The following MBNL2 variants were observed in gnomAD, a reference collection of about 807,000 sequenced individuals.
MBNL2 encodes the protein muscleblind-like protein 2.
MBNL2 carries 17 observed loss-of-function variants against 41.9 expected under a neutral mutation model. That is an observed-to-expected ratio of 0.41 (90% CI 0.28 to 0.61). The LOEUF is 0.61. Ranked by LOEUF, MBNL2 falls within the 20% of genes least tolerant of loss-of-function variation. The pLI is 0.35. For missense variants in MBNL2, 336 were observed against 505.6 expected, an observed-to-expected ratio of 0.66 and a Z score of 3.22; for synonymous variants, 195 against 182.9, an observed-to-expected ratio of 1.07 and a Z score of -0.53.
intron 2 of MBNL2, among the ~76,000 whole-genome samples, chr13:97,291,231 G>C (rs769428408): frequency 1.6e-4 from 24 of 151,872 alleles, no homozygotes; most frequent in Non-Finnish European, 2.6e-4. Context: ...TATGTTTTGA[G>C]GTAGAATTAT....
the MBNL2 span, among the ~76,000 whole-genome samples, chr13:97,158,651 G>A: frequency 6.6e-5 from 10 of 151,604 alleles, no homozygotes; most frequent in Non-Finnish European, 1.2e-4. Context: ...ATTTCGTTAT[G>A]TACCCAGTAG....
chr13:97,299,789 C>A (rs968629671), intron 2 of MBNL2, among the ~76,000 whole-genome samples: 1 of 152,042 alleles, frequency 6.6e-6, no homozygotes, highest in African/African-American at 2.4e-5. Flanking sequence ...ATGCCATTAT[C>A]TTTTTTACTT....
At chr13:97,339,859 T>A (rs1385183999) in intron 3 of MBNL2, among the ~76,000 whole-genome samples, 1 of 106,626 alleles carries the variant, frequency 9.4e-6, no homozygotes, top group African/African-American at 5.6e-5. Flanking sequence ...TACGGGCAAC[T>A]GATTTGTGTG....
intron 2 of MBNL2, among the ~76,000 whole-genome samples, chr13:97,312,339 T>C (rs974934517): frequency 6.6e-6 from 1 of 152,240 alleles, no homozygotes; most frequent in Non-Finnish European, 1.5e-5. Flanking sequence ...CTCTTCTACT[T>C]GCAGCATTTC....
chr13:97,296,068 A>G (rs2056960872), intron 2 of MBNL2, among the ~76,000 whole-genome samples: 1 of 152,210 alleles, frequency 6.6e-6, no homozygotes, highest in African/African-American at 2.4e-5. Flanking sequence ...TTTTCTTAGT[A>G]ATAATGACTC....
Position 97,389,474 on chromosome 13 carries a change from G to A in MBNL2, c.1049-1848G>A, listed in dbSNP as rs529777624. On this transcript the variant is annotated intron_variant, in intron 8 of 8. Coordinates refer to ENST00000679496, the MANE Select transcript of MBNL2 (RefSeq NM_001382683.1). ...ATCCAGCACTTTGGGAGTCTGAGGT[G>A]GAAGGATTTCTTGAGCCTAGGAGTT... Among the ~76,000 whole-genome samples the A allele has an allele frequency of 2.9e-4, 44 of 152,220 alleles. No individual in the cohort carries two copies. In the Middle Eastern group the frequency reaches 0.01, roughly 35 times the overall value.
chr13:97,239,580 G>A (rs1449317062), intron 1 of MBNL2, among the ~76,000 whole-genome samples: 1 of 152,190 alleles, frequency 6.6e-6, no homozygotes, highest in Non-Finnish European at 1.5e-5. Context: ...TTGTGCTTTA[G>A]TGCTAAAGAG....
chr13:97,303,243 T>A (rs991612025), intron 2 of MBNL2, among the ~76,000 whole-genome samples: 4 of 152,044 alleles, frequency 2.6e-5, no homozygotes, highest in Non-Finnish European at 2.9e-5. Context: ...TTCTTAAGTA[T>A]CTGGGGACAG....
rs114553429 is a variant in MBNL2, at chr13:97,281,163, T to C, written c.174+4754T>C. On this transcript the variant is annotated intron_variant, in intron 2 of 8. Transcript: ENST00000679496. ...TTGAATTGCATGTTCTCCATGTTCATCAGGAAAGTTTTCAAGCCTCTCAGA... is the reference window on the plus strand; with the variant it reads ...TTGAATTGCATGTTCTCCATGTTCACCAGGAAAGTTTTCAAGCCTCTCAGA... 6.2e-3 allele frequency among the ~76,000 whole-genome samples: 952 copies of C among 152,336 alleles called. 8 individuals are homozygous for C. Among genetic ancestry groups the C allele is most frequent in the African/African-American group, 0.022 (907 of 41,570 alleles).
chr13:97,337,988 A>G (rs1460888542), intron 3 of MBNL2, among the ~76,000 whole-genome samples: 1 of 152,170 alleles, frequency 6.6e-6, no homozygotes, highest in Non-Finnish European at 1.5e-5. Flanking sequence ...TCATAAAAGC[A>G]TTTACTTCCT....
chr13:97,177,561 C>T, the MBNL2 span, among the ~76,000 whole-genome samples: 1 of 152,020 alleles, frequency 6.6e-6, no homozygotes, highest in East Asian at 1.9e-4. Context: ...AATATAAAAA[C>T]AGGAGACCAA....
the MBNL2 span, among the ~76,000 whole-genome samples, chr13:97,187,698 G>A: frequency 6.6e-6 from 1 of 150,832 alleles, no homozygotes; most frequent in South Asian, 2.1e-4. Context: ...ACCAGGTCAG[G>A]AGATCGAGAC....
chr13:97,244,594 G>T (rs1389372667), intron 1 of MBNL2, among the ~76,000 whole-genome samples: 1 of 152,204 alleles, frequency 6.6e-6, no homozygotes, highest in Non-Finnish European at 1.5e-5. Context: ...CCAACGACTA[G>T]ATAATGTGCC....
upstream of MBNL2, among the ~76,000 whole-genome samples, chr13:97,220,194 TTA>T (rs142840570): frequency 9.8e-5 from 15 of 152,352 alleles, no homozygotes; most frequent in East Asian, 2.9e-3. Flanking sequence ...TGAGCATTTA[TTA>T]TGTGCCAGTC....
intron 2 of MBNL2, among the ~76,000 whole-genome samples, chr13:97,315,226 T>C (rs1373914247): frequency 3.3e-5 from 5 of 152,214 alleles, no homozygotes; most frequent in Non-Finnish European, 7.3e-5. Flanking sequence ...TGAAAACAAA[T>C]AGCTTCTAAA....
intron 8 of MBNL2, among the ~76,000 whole-genome samples, chr13:97,382,184 T>G (rs892966334): frequency 1.3e-5 from 2 of 152,244 alleles, no homozygotes; most frequent in African/African-American, 4.8e-5. Flanking sequence ...TTTAAACATA[T>G]TCAAAATTAC....
intron 2 of MBNL2, among the ~76,000 whole-genome samples, chr13:97,304,521 A>G (rs1253864079): frequency 1.3e-5 from 2 of 152,320 alleles, no homozygotes; most frequent in African/African-American, 4.8e-5. Context: ...CTGAACAAGA[A>G]TGCAATGATC....
rs76338787 is a variant in MBNL2, at chr13:97,225,181, T to A, written c.-605+2650T>A. Among the ~76,000 whole-genome samples the A allele has an allele frequency of 3.9e-3, 594 of 152,266 alleles. 4 individuals carry two copies. Among genetic ancestry groups the A allele is most frequent in the African/African-American group, 0.014 (571 of 41,554 alleles). ...CCAGTCCCGCGCTCAGGGAGTGCCA[T>A]AGAAATTCAAGATCAGGTACTCAAG... On this transcript the variant is annotated intron_variant, in intron 1 of 8. Coordinates refer to ENST00000679496, the MANE Select transcript of MBNL2 (RefSeq NM_001382683.1).
At chr13:97,151,471 C>T in the MBNL2 span, among the ~76,000 whole-genome samples, 16 of 152,002 alleles carry the variant, frequency 1.1e-4, no homozygotes, top group South Asian at 2.1e-4. Flanking sequence ...TGGTGCTCTG[C>T]GTATGTTTCA....
Sources: allele counts gnomAD v4.1 joint callset (sites outside exome capture counted in the v4.1 genomes callset), GRCh38; gene constraint gnomAD v4.1.1; transcripts MANE v1.5; gene names NCBI Gene and HGNC (gene_info 2026-07-23, HGNC 2026-07-21).